Variants in CSNK1G3 observed in about 807,000 individuals in gnomAD.
CSNK1G3 encodes casein kinase 1 gamma 3, also known as casein kinase I isoform gamma-3.
CSNK1G3 carries 23 observed loss-of-function variants against 64.3 expected under a neutral mutation model. The observed-to-expected ratio is 0.36, with a 90% confidence interval of 0.26 to 0.51. The LOEUF (loss-of-function observed/expected upper bound fraction) is 0.51, where lower values mean the gene tolerates loss of function less well. CSNK1G3 is among the 20% of genes least tolerant of loss of function. The pLI is 0.96. For missense variants in CSNK1G3, 357 were observed against 510.5 expected (o/e 0.70, Z 2.90); for synonymous variants, 158 against 162.2 (o/e 0.97, Z 0.20).
At chr5:123,513,621 A>G (rs1036801199) in intron 1 of CSNK1G3, among the ~76,000 whole-genome samples, 3 of 152,154 alleles carry the variant, frequency 2.0e-5, no homozygotes, top group East Asian at 1.9e-4. Flanking sequence ...ACTTTTTGCA[A>G]TTACTTAGTC....
intron 12 of CSNK1G3, among the ~76,000 whole-genome samples, chr5:123,611,341 A>T (rs917813620): frequency 1.3e-5 from 2 of 152,210 alleles, no homozygotes; most frequent in African/African-American, 4.8e-5. Context: ...TACTTTTGCA[A>T]ATCTTTATAA....
chr5:123,595,175 T>A (rs776469139), intron 10 of CSNK1G3, 41 bp downstream of exon 11: 1 of 1,568,410 alleles, frequency 6.4e-7, no homozygotes, highest in Admixed American at 1.7e-5. Context: ...TACCCAGATT[T>A]ATACAACTAA....
At chr5:123,537,557 C>T (rs184344050) in intron 1 of CSNK1G3, among the ~76,000 whole-genome samples, 1 of 152,124 alleles carries the variant, frequency 6.6e-6, no homozygotes, top group East Asian at 1.9e-4. Flanking sequence ...TGTATATGTA[C>T]CCCATAGATT....
intron 10 of CSNK1G3, among the ~76,000 whole-genome samples, chr5:123,600,199 A>T (rs981071361): frequency 6.6e-6 from 1 of 152,174 alleles, no homozygotes; most frequent in African/African-American, 2.4e-5. Context: ...TGAATACATA[A>T]ATAAAATATA....
intron 12 of CSNK1G3, among the ~76,000 whole-genome samples, chr5:123,609,511 A>C (rs1795945507): frequency 6.6e-6 from 1 of 152,192 alleles, no homozygotes; most frequent in South Asian, 2.1e-4. Context: ...GATAGTCTCT[A>C]GAACTGTAAA....
intron 2 of CSNK1G3, among the ~76,000 whole-genome samples, chr5:123,550,736 A>G (rs1394419580): frequency 1.3e-5 from 2 of 152,322 alleles, no homozygotes; most frequent in East Asian, 1.9e-4. Context: ...TTTTCTTTTA[A>G]TGGGATTCTC....
chr5:123,582,157 G>T (rs1790426746), intron 6 of CSNK1G3, among the ~76,000 whole-genome samples: 1 of 152,056 alleles, frequency 6.6e-6, no homozygotes, highest in African/African-American at 2.4e-5. Flanking sequence ...AATTGAAATG[G>T]AAACAGTGTT....
Position 123,590,575 on chromosome 5 carries a change from A to G in CSNK1G3, c.990+17A>G. The G allele has an allele frequency of 7.2e-7, 1 of 1,387,520 alleles. No individual in the cohort carries two copies. The allele number at this position is 1,387,520 out of a possible 1,614,324, so 86.0% of individuals were successfully genotyped here. On this transcript the variant is annotated intron_variant, in intron 9 of 12. Transcript: ENST00000345990. ...AAACAGTTGGTGAGTATTCTATATA[A>G]TAATATATTACTTACAGTATCTGTT...
chr5:123,611,443 CTTAT>C (rs1796319980), intron 12 of CSNK1G3, among the ~76,000 whole-genome samples: 1 of 152,102 alleles, frequency 6.6e-6, no homozygotes, highest in Non-Finnish European at 1.5e-5. Flanking sequence ...ATTTGAAAAT[CTTAT>C]TTAGTCTCAA....
intron 10 of CSNK1G3, among the ~76,000 whole-genome samples, chr5:123,596,660 GT>G (rs1296870382): frequency 6.6e-6 from 1 of 152,066 alleles, no homozygotes; most frequent in Non-Finnish European, 1.5e-5. Flanking sequence ...TCACAGAGAT[GT>G]TTGAACATTG....
intron 1 of CSNK1G3, among the ~76,000 whole-genome samples, chr5:123,525,301 A>C (rs1580884327): frequency 6.8e-6 from 1 of 146,722 alleles, no homozygotes; most frequent in Non-Finnish European, 1.5e-5. Flanking sequence ...CTTGTCCTAC[A>C]CCAGTTGTTT....
intron 4 of CSNK1G3, among the ~76,000 whole-genome samples, chr5:123,558,461 G>A (rs1561518023): frequency 6.6e-6 from 1 of 152,076 alleles, no homozygotes; most frequent in African/African-American, 2.4e-5. Flanking sequence ...GTATAATACA[G>A]GTAGAGGAAT....
At chr5:123,595,836 T>C (rs1000584816) in intron 10 of CSNK1G3, among the ~76,000 whole-genome samples, 7 of 152,232 alleles carry the variant, frequency 4.6e-5, no homozygotes, top group Middle Eastern at 3.4e-3. Context: ...TTTATGTATA[T>C]TGTAGAAATA....
chr5:123,512,765 G>C (rs1776439847), intron 1 of CSNK1G3, among the ~76,000 whole-genome samples, 195 bp downstream of exon 1: 1 of 151,124 alleles, frequency 6.6e-6, no homozygotes, highest in African/African-American at 2.4e-5. Flanking sequence ...CCGGAGGCGT[G>C]GGCAGGAGGG....
At chr5:123,514,936 A>G (rs1044024240) in intron 1 of CSNK1G3, among the ~76,000 whole-genome samples, 5 of 152,190 alleles carry the variant, frequency 3.3e-5, no homozygotes, top group Non-Finnish European at 7.4e-5. Flanking sequence ...GTAGGCTGAC[A>G]GTAGGTAGGC....
chr5:123,516,384 G>T (rs1012703269), intron 1 of CSNK1G3, among the ~76,000 whole-genome samples: 1 of 152,162 alleles, frequency 6.6e-6, no homozygotes, highest in Non-Finnish European at 1.5e-5. Context: ...GATAAATGTA[G>T]AAATATATAA....
At chr5:123,562,477 T>G (rs1379821703) in intron 4 of CSNK1G3, among the ~76,000 whole-genome samples, 1 of 152,090 alleles carries the variant, frequency 6.6e-6, no homozygotes, top group African/African-American at 2.4e-5. Flanking sequence ...CTAACAATAA[T>G]AGACTGTTTT....
intron 10 of CSNK1G3, among the ~76,000 whole-genome samples, chr5:123,597,455 A>T (rs1793646047): frequency 6.6e-6 from 1 of 152,132 alleles, no homozygotes. Flanking sequence ...GAGCCTCGGT[A>T]AGACTATGGC....
intron 2 of CSNK1G3, among the ~76,000 whole-genome samples, chr5:123,550,282 A>C (rs189375830): frequency 2.7e-4 from 41 of 152,310 alleles, no homozygotes; most frequent in Middle Eastern, 3.4e-3. Flanking sequence ...TTAATATGTG[A>C]CTTCCGTCTC....
Sources: gnomAD v4.1 joint callset for allele counts (sites outside exome capture counted in the v4.1 genomes callset) on GRCh38, gnomAD v4.1.1 for gene constraint, MANE v1.5 for transcripts, NCBI Gene and HGNC (gene_info 2026-07-23, HGNC 2026-07-21) for gene names.